PRAC2: variants seen among roughly 807,000 people sequenced by gnomAD.
PRAC2 encodes the protein PRAC2 small nuclear protein, also known as protein PRAC2.
For synonymous variants in PRAC2, 43 were observed against 49.5 expected, an observed-to-expected ratio of 0.87 and a Z score of 0.55; for missense variants, 92 against 114.5, an observed-to-expected ratio of 0.80 and a Z score of 0.90.
chr17:48,723,874 C>T (rs1388008806), intron 1 of PRAC2: 6 of 849,366 alleles, frequency 7.1e-6, no homozygotes, highest in African/African-American at 7.0e-5. Flanking sequence ...CTGGAGCCCG[C>T]GTAGACGCGA....
upstream of PRAC2, among the ~76,000 whole-genome samples, chr17:48,720,173 T>C (rs1297101598): frequency 6.6e-6 from 1 of 151,758 alleles, no homozygotes; most frequent in Non-Finnish European, 1.5e-5. Context: ...TGGCGAGTAG[T>C]GCGGGTGTGT....
chr17:48,723,700 G>T (rs953014290), intron 1 of PRAC2: 12 of 1,231,776 alleles, frequency 9.7e-6, no homozygotes, highest in African/African-American at 6.2e-5. Flanking sequence ...AGTAAAACCC[G>T]AAAGATGGAG....
At chr17:48,722,562 G>T (rs2038157532), upstream of PRAC2, 14 of 615,048 alleles carry the variant, frequency 2.3e-5, no homozygotes, top group Non-Finnish European at 2.9e-6. Context: ...TAGAGTCTGG[G>T]GCGGGGCTCA....
upstream of PRAC2, among the ~76,000 whole-genome samples, chr17:48,721,454 T>C (rs1290254774): frequency 6.6e-6 from 1 of 152,194 alleles, no homozygotes; most frequent in Non-Finnish European, 1.5e-5. Flanking sequence ...GCCTCTTGAG[T>C]AGCTGGAATT....
chr17:48,720,817 G>A (rs1034475824), upstream of PRAC2, among the ~76,000 whole-genome samples: 2 of 152,276 alleles, frequency 1.3e-5, no homozygotes, highest in South Asian at 4.1e-4. Context: ...ATCTCAGCTG[G>A]GTGACTCCGG....
At position 48,724,443 on chromosome 17, in the gene PRAC2, C is replaced by G. The variant is rs1275517849; in HGVS notation, c.33C>G (p.Gly11=). The change falls in exon 2 of 2, where the codon GGC becomes GGG. Residue 11 remains glycine (G), a synonymous_variant. Transcript: ENST00000422730. ...GAAGGCGGATGGCTCTGCGGCCTGG[C>G]TCCCGCAGACCGACCGCCTTCTTCT... is the stretch of plus-strand genomic sequence containing the variant. MDRRRMALRP[G]SRRPTAFFFH... 8.1e-7 allele frequency: 1 copy of G among 1,234,286 alleles called. No individual in the cohort carries two copies. Among genetic ancestry groups the G allele is most frequent in the South Asian group, 4.1e-5 (1 of 24,404 alleles). 76.5% of individuals were successfully genotyped at this position (1,234,286 alleles called of 1,614,324 possible). A position where few individuals can be genotyped will look rare whatever the true frequency, so the allele number is the denominator to read the frequency against.
upstream of PRAC2, among the ~76,000 whole-genome samples, chr17:48,720,251 G>T (rs540808646): frequency 6.6e-6 from 1 of 152,200 alleles, no homozygotes; most frequent in Non-Finnish European, 1.5e-5. Context: ...TACTGCCCAG[G>T]CTTCGCCTGG....
Position 48,724,675 on chromosome 17 carries a change from G to A in PRAC2, c.265G>A (p.Glu89Lys), listed in dbSNP as rs1214174540. Residue 89 changes from glutamate (E) to lysine (K), a missense_variant, in exon 2 of 2, where the codon GAG becomes AAG. Glu to Lys is a moderately conservative substitution (Grantham distance 56, BLOSUM62 1). Coordinates refer to ENST00000422730, the MANE Select transcript of PRAC2 (RefSeq NM_001282275.2). Reference protein sequence around the residue: ...TMKACPQVLLEW With the variant: ...TMKACPQVLLKW The stretch of plus-strand genomic sequence containing the variant: ...GAAAGCCTGCCCGCAGGTTCTCCTG[G>A]AGTGGTGAGCCTCTGTCGGAAGGGG... The A allele has an allele frequency of 1.6e-6, 2 of 1,232,028 alleles. No homozygotes were observed. Among genetic ancestry groups the A allele is most frequent in the Non-Finnish European group, 2.0e-6 (2 of 987,918 alleles). 76.3% of individuals were successfully genotyped at this position (1,232,028 alleles called of 1,614,324 possible).
intron 1 of PRAC2, chr17:48,723,772 G>A (rs1175446106): frequency 8.1e-7 from 1 of 1,231,540 alleles, no homozygotes; most frequent in Non-Finnish European, 1.0e-6. Context: ...GCTTCCGGAG[G>A]TAGTTTCTAC....
chr17:48,719,128 G>C (rs965329459), upstream of PRAC2, among the ~76,000 whole-genome samples: 4 of 152,184 alleles, frequency 2.6e-5, no homozygotes, highest in African/African-American at 9.6e-5. Flanking sequence ...CCGAGCCAGG[G>C]AGAGACCCGG....
upstream of PRAC2, among the ~76,000 whole-genome samples, chr17:48,720,650 T>C (rs2038136273): frequency 6.6e-6 from 1 of 152,214 alleles, no homozygotes; most frequent in Non-Finnish European, 1.5e-5. Flanking sequence ...TCTTTCCTCC[T>C]GTCTTCCACC....
At chr17:48,723,646 C>T in intron 1 of PRAC2, 1 of 1,174,698 alleles carries the variant, frequency 8.5e-7, no homozygotes, top group Non-Finnish European at 1.1e-6. Flanking sequence ...GGATTCTCGG[C>T]TGGCGGCGGC....
upstream of PRAC2, among the ~76,000 whole-genome samples, chr17:48,720,112 C>A (rs1188161292): frequency 6.6e-6 from 1 of 152,190 alleles, no homozygotes; most frequent in Non-Finnish European, 1.5e-5. Flanking sequence ...GGGTACGGAC[C>A]CCGCAGACCA....
upstream of PRAC2, chr17:48,721,635 T>C: frequency 1.6e-6 from 1 of 640,572 alleles, no homozygotes; most frequent in Non-Finnish European, 2.3e-6. Flanking sequence ...CGTTTTTATT[T>C]TTTTAAGGCC....
At chr17:48,721,588 G>C (rs1229275341), upstream of PRAC2, 12 of 388,890 alleles carry the variant, frequency 3.1e-5, no homozygotes, top group Non-Finnish European at 5.3e-5. Flanking sequence ...GCCTCCCAAA[G>C]TGCTGGGATT....
upstream of PRAC2, chr17:48,722,040 C>T (rs893533343): frequency 1.0e-6 from 1 of 977,020 alleles, no homozygotes; most frequent in African/African-American, 1.6e-5. Context: ...AGTTCCCACT[C>T]CCAAGCCTCT....
upstream of PRAC2, among the ~76,000 whole-genome samples, chr17:48,721,480 C>T (rs1402567812): frequency 6.6e-6 from 1 of 152,150 alleles, no homozygotes; most frequent in Non-Finnish European, 1.5e-5. Context: ...TGTGAGCCAC[C>T]ATGCCCAGCT....
chr17:48,723,771 G>A lies in PRAC2; in HGVS notation c.-84+458G>A, dbSNP rs888217034. 3 of 1,231,556 alleles carry A rather than the reference G, an allele frequency of 2.4e-6. No individual in the cohort carries two copies. In the African/African-American group the frequency reaches 4.7e-5, roughly 19 times the overall value. The allele number at this position is 1,231,556 out of a possible 1,614,324, so 76.3% of individuals were successfully genotyped here. A position where few individuals can be genotyped will look rare whatever the true frequency, so the allele number is the denominator to read the frequency against. On this transcript the variant is annotated intron_variant, in intron 1 of 1. Transcript: ENST00000422730. ...CCGAGATTCAAAAAGAGCTTCCGGA[G>A]GTAGTTTCTACGCATTGCGCCACTA...
At chr17:48,723,951 A>G (rs1319296043) in intron 1 of PRAC2, among the ~76,000 whole-genome samples, 5 of 152,198 alleles carry the variant, frequency 3.3e-5, no homozygotes, top group Admixed American at 3.3e-4. Context: ...AGGGAGGGGA[A>G]CGGTCTGGAG....
Sources: allele counts gnomAD v4.1 joint callset (sites outside exome capture counted in the v4.1 genomes callset), GRCh38; gene constraint gnomAD v4.1.1; transcripts MANE v1.5; gene names NCBI Gene and HGNC (gene_info 2026-07-23, HGNC 2026-07-21).